The following NAV3 variants were observed in gnomAD, a reference collection of about 807,000 sequenced individuals.
The protein encoded by NAV3 is neuron navigator 3, also known as pore membrane and/or filament interacting like protein 1.
NAV3 carries 87 observed loss-of-function variants against 244.7 expected under a neutral mutation model. The ratio of observed to expected loss-of-function variants is 0.36; its 90% CI spans 0.30 to 0.42. The LOEUF (loss-of-function observed/expected upper bound fraction) is 0.42, where lower values mean the gene tolerates loss of function less well. Among genes scored for constraint, NAV3 ranks in the 20% least tolerant of loss-of-function variants. The probability of loss-of-function intolerance (pLI) is 1.00; values close to 1 mark genes in which losing one functional copy is unlikely to be tolerated. For synonymous variants in NAV3, 1,126 were observed against 1,042.2 expected, an observed-to-expected ratio of 1.08 and a Z score of -1.55; for missense variants, 2,663 against 2,893.3, an observed-to-expected ratio of 0.92 and a Z score of 1.83.
intron 2 of NAV3, among the ~76,000 whole-genome samples, chr12:77,759,678 A>G (rs1469678337): frequency 6.6e-6 from 1 of 152,206 alleles, no homozygotes; most frequent in Non-Finnish European, 1.5e-5. Flanking sequence ...AATATTGACC[A>G]CCATGGTGTG....
intron 1 of NAV3, among the ~76,000 whole-genome samples, chr12:77,892,928 G>A (rs35821186): frequency 0.076 from 11,619 of 152,046 alleles, 568 homozygotes; most frequent in Non-Finnish European, 0.1. Context: ...ATTGTTGGTG[G>A]GTAACTAATT....
At chr12:77,760,986 C>T (rs1335920259) in intron 2 of NAV3, among the ~76,000 whole-genome samples, 6 of 152,164 alleles carry the variant, frequency 3.9e-5, no homozygotes, top group African/African-American at 4.8e-5. Context: ...TCGGGAATTC[C>T]ACTGTCTCTC....
intron 12 of NAV3, among the ~76,000 whole-genome samples, chr12:78,097,952 C>A (rs1336733761): frequency 6.6e-6 from 1 of 152,096 alleles, no homozygotes; most frequent in African/African-American, 2.4e-5. Context: ...AAAGGAGAGA[C>A]AATTTAGCTC....
chr12:77,816,136 A>C (rs1872519357), intron 2 of NAV3, among the ~76,000 whole-genome samples: 1 of 152,176 alleles, frequency 6.6e-6, no homozygotes, highest in South Asian at 2.1e-4. Context: ...CAAGGGAGAT[A>C]AACTTTATAT....
intron 12 of NAV3, among the ~76,000 whole-genome samples, chr12:78,068,260 A>T (rs547010188): frequency 6.6e-5 from 10 of 152,094 alleles, no homozygotes; most frequent in Admixed American, 4.6e-4. Context: ...TAATTGCAGA[A>T]TTTGAATTTA....
At chr12:77,980,737 C>T (rs11107656) in intron 5 of NAV3, among the ~76,000 whole-genome samples, 2,775 of 152,148 alleles carry the variant, frequency 0.018, 47 homozygotes, top group Non-Finnish European at 0.03. Flanking sequence ...AGCATTGTAG[C>T]GTAGTACTTT....
chr12:78,176,331 G>T (rs766297401), intron 25 of NAV3, 108 bp from the exon 26 acceptor site: 67 of 1,078,700 alleles, frequency 6.2e-5, no homozygotes, highest in African/African-American at 2.6e-4. Flanking sequence ...AATAATGAAA[G>T]AAATATCTTT....
intron 2 of NAV3, among the ~76,000 whole-genome samples, chr12:77,763,693 G>A (rs947985579): frequency 3.9e-5 from 6 of 152,112 alleles, no homozygotes; most frequent in African/African-American, 1.2e-4. Context: ...CTGTGGGAGG[G>A]ACCCCTTGCC....
Position 78,154,178 on chromosome 12 carries a change from T to C in NAV3, c.4786-5025T>C, listed in dbSNP as rs182796237. 6.8e-4 allele frequency among the ~76,000 whole-genome samples: 95 copies of C among 140,724 alleles called. 1 individual carries two copies. The highest frequency in any genetic ancestry group is 2.4e-3 in the African/African-American group (93 of 39,302). 92.3% of individuals were successfully genotyped at this position (140,724 alleles called of 152,430 possible). A position where few individuals can be genotyped will look rare whatever the true frequency, so the allele number is the denominator to read the frequency against. On this transcript the variant is annotated intron_variant, in intron 22 of 39. Transcript: ENST00000397909. ...TATATATATACCTTCATAACATACATATATAAAATACTATATTATATATAC... is the reference window on the plus strand; with the variant it reads ...TATATATATACCTTCATAACATACACATATAAAATACTATATTATATATAC...
chr12:77,760,544 T>C (rs1014326020), intron 2 of NAV3, among the ~76,000 whole-genome samples: 2 of 152,190 alleles, frequency 1.3e-5, no homozygotes, highest in Admixed American at 6.5e-5. Context: ...TTAATATTAG[T>C]CTAGCTGTCC....
chr12:77,769,378 C>G (rs1003526727), intron 2 of NAV3, among the ~76,000 whole-genome samples: 1 of 152,126 alleles, frequency 6.6e-6, no homozygotes, highest in Admixed American at 6.5e-5. Flanking sequence ...GCTAACAGAA[C>G]AGTACAGCTC....
intron 3 of NAV3, among the ~76,000 whole-genome samples, chr12:77,962,334 T>C (rs1243947873): frequency 6.6e-6 from 1 of 152,196 alleles, no homozygotes; most frequent in African/African-American, 2.4e-5. Context: ...TGTGTCCTAC[T>C]GCCTACGAAC....
intron 12 of NAV3, among the ~76,000 whole-genome samples, chr12:78,084,365 A>G (rs1953515653): frequency 6.6e-6 from 1 of 152,114 alleles, no homozygotes; most frequent in South Asian, 2.1e-4. Context: ...ATCCAAGGCT[A>G]AACCCTCCAG....
In NAV3 at chr12:77,830,913, G is replaced by C. The variant is rs1378347716; in HGVS notation, c.-549G>C. On this transcript the variant is annotated 5_prime_UTR_variant, in exon 1 of 40. Transcript: ENST00000397909. The stretch of plus-strand genomic sequence containing the variant: ...ATTTCTGAAATCAGGAAGAACCCCT[G>C]TCCTTCCACTGTTGTGGTCTTTTGG... The C allele has an allele frequency of 2.0e-5, 3 of 152,210 alleles. No individual in the cohort carries two copies. Among genetic ancestry groups the C allele is most frequent in the African/African-American group, 7.2e-5 (3 of 41,522 alleles). The allele number at this position is 152,210 out of a possible 1,614,324, so 9.4% of individuals were successfully genotyped here. A position where few individuals can be genotyped will look rare whatever the true frequency, so the allele number is the denominator to read the frequency against.
chr12:77,657,449 A>T (rs893102452), intron 2 of NAV3, among the ~76,000 whole-genome samples: 1 of 152,242 alleles, frequency 6.6e-6, no homozygotes, highest in Non-Finnish European at 1.5e-5. Flanking sequence ...AGGAGCTGAA[A>T]TTGTGGCAAT....
chr12:77,983,086 A>C (rs1869857804), intron 5 of NAV3, among the ~76,000 whole-genome samples: 1 of 152,186 alleles, frequency 6.6e-6, no homozygotes, highest in Admixed American at 6.5e-5. Flanking sequence ...AAATAGGCAG[A>C]GGTCAGTTTG....
At chr12:77,601,870 C>T (rs572684604) in intron 2 of NAV3, among the ~76,000 whole-genome samples, 1 of 152,050 alleles carries the variant, frequency 6.6e-6, no homozygotes, top group South Asian at 2.1e-4. Flanking sequence ...AGCTTTTTCT[C>T]AGGTAGAATT....
intron 9 of NAV3, among the ~76,000 whole-genome samples, chr12:78,049,416 C>T (rs968093381): frequency 5.3e-5 from 8 of 152,174 alleles, no homozygotes; most frequent in Admixed American, 1.3e-4. Context: ...TGGATAGCTC[C>T]GTCCTTCAAG....
upstream of NAV3, among the ~76,000 whole-genome samples, chr12:77,826,112 G>T (rs1872985537): frequency 1.3e-5 from 2 of 152,074 alleles, no homozygotes; most frequent in Admixed American, 6.6e-5. Context: ...AAATAGTGTG[G>T]CACATGCTTA....
Sources: allele counts gnomAD v4.1 joint callset (sites outside exome capture counted in the v4.1 genomes callset), GRCh38; gene constraint gnomAD v4.1.1; transcripts MANE v1.5; gene names NCBI Gene and HGNC (gene_info 2026-07-23, HGNC 2026-07-21).